KDM4C: variants seen among roughly 807,000 people sequenced by gnomAD.
KDM4C encodes the protein lysine-specific demethylase 4C.
In KDM4C, 81 loss-of-function variants were observed where a neutral mutation model predicts 129.3. That is an observed-to-expected ratio of 0.63 (90% CI 0.52 to 0.75). The LOEUF (loss-of-function observed/expected upper bound fraction) is 0.75, where lower values mean the gene tolerates loss of function less well. Ranked by LOEUF, KDM4C falls within the 30% of genes least tolerant of loss-of-function variation. KDM4C has a pLI of 0.00. For missense variants in KDM4C, 1,457 were observed against 1,304.0 expected (o/e 1.12, Z -1.81); for synonymous variants, 573 against 456.1 (o/e 1.26, Z -3.26).
At chr9:7,138,378 T>C (rs7854506) in intron 19 of KDM4C, among the ~76,000 whole-genome samples, 5,543 of 152,328 alleles carry the variant, frequency 0.036, 348 homozygotes, top group African/African-American at 0.13. Context: ...AATACCATTA[T>C]AGAATTTTAT....
intron 8 of KDM4C, among the ~76,000 whole-genome samples, chr9:6,932,697 C>T (rs1823971010): frequency 6.6e-6 from 1 of 152,206 alleles, no homozygotes. Context: ...TCTACTCCTT[C>T]ATTGGTTCTG....
intron 19 of KDM4C, among the ~76,000 whole-genome samples, chr9:7,157,315 T>A (rs10976074): frequency 0.062 from 9,498 of 152,254 alleles, 527 homozygotes; most frequent in African/African-American, 0.15. Context: ...ACAATTTGAC[T>A]TCCTCTTTTC....
chr9:6,722,827 T>A (rs1436496729), intron 1 of KDM4C, among the ~76,000 whole-genome samples: 39 of 151,960 alleles, frequency 2.6e-4, no homozygotes, highest in Non-Finnish European at 1.3e-4. Context: ...AAAGATTTTT[T>A]AAAAAATTAG....
chr9:6,983,851 A>AT (rs1280064292), intron 9 of KDM4C, among the ~76,000 whole-genome samples: 5 of 151,670 alleles, frequency 3.3e-5, no homozygotes, highest in Non-Finnish European at 7.4e-5. Flanking sequence ...TCATTTCAAC[A>AT]TTTTTTACTT....
At chr9:7,105,619 C>T in intron 18 of KDM4C, 1 of 368,048 alleles carries the variant, frequency 2.7e-6, no homozygotes, top group South Asian at 2.1e-5. Flanking sequence ...GCCTTTTTAG[C>T]TCATACTCTA....
At chr9:7,118,572 AAT>A (rs1291633512) in intron 18 of KDM4C, among the ~76,000 whole-genome samples, 2 of 152,212 alleles carry the variant, frequency 1.3e-5, no homozygotes, top group African/African-American at 4.8e-5. Flanking sequence ...GAAAAAATAC[AAT>A]AATAATATTT....
At chr9:6,731,026 AAC>A (rs1563914390) in intron 1 of KDM4C, among the ~76,000 whole-genome samples, 2 of 152,214 alleles carry the variant, frequency 1.3e-5, no homozygotes, top group East Asian at 3.8e-4. Flanking sequence ...AGTTCGCTTT[AAC>A]AATCACCCTC....
chr9:6,887,572 T>C (rs962330673), intron 6 of KDM4C, among the ~76,000 whole-genome samples: 4 of 152,204 alleles, frequency 2.6e-5, no homozygotes, highest in African/African-American at 7.2e-5. Context: ...TTCCTTTTTT[T>C]CCCCTGTATT....
rs186838809 is a variant in KDM4C at position 6,736,067 on chromosome 9, C to T, written c.49+15070C>T. On this transcript the variant is annotated intron_variant, in intron 1 of 17. Transcript: ENST00000536108. ...AGACTGGCAGCATTTTACCCCTGCC[C>T]TAGAGATTTGTGGAACTTTGAATTT... Among the ~76,000 whole-genome samples, 935 of 152,226 alleles carry T rather than the reference C, an allele frequency of 6.1e-3. 10 individuals carry two copies. The highest frequency in any genetic ancestry group is 6.6e-3 in the Non-Finnish European group (446 of 68,012).
At chr9:7,049,373 T>C (rs1020106366) in intron 17 of KDM4C, among the ~76,000 whole-genome samples, 173 bp downstream of exon 17, 2 of 152,144 alleles carry the variant, frequency 1.3e-5, no homozygotes, top group African/African-American at 4.8e-5. Context: ...CTTTTCCTGT[T>C]ATATTGTAAG....
intron 17 of KDM4C, among the ~76,000 whole-genome samples, chr9:7,090,336 GA>G (rs1270722566): frequency 6.6e-6 from 1 of 151,964 alleles, no homozygotes; most frequent in Non-Finnish European, 1.5e-5. Flanking sequence ...GGGTTTTGTA[GA>G]AAAAAATAAA....
At chr9:7,143,976 A>G (rs1263848628) in intron 19 of KDM4C, among the ~76,000 whole-genome samples, 1 of 152,242 alleles carries the variant, frequency 6.6e-6, no homozygotes, top group Non-Finnish European at 1.5e-5. Flanking sequence ...GCTGTAGCTT[A>G]TGTGAAAAGT....
chr9:6,955,619 C>T (rs1041783322), intron 8 of KDM4C, among the ~76,000 whole-genome samples: 5 of 152,174 alleles, frequency 3.3e-5, no homozygotes, highest in Non-Finnish European at 5.9e-5. Context: ...TGATTAATGG[C>T]ATGATGGCTT....
chr9:7,108,896 A>G (rs1028288776), intron 18 of KDM4C, among the ~76,000 whole-genome samples: 1 of 152,208 alleles, frequency 6.6e-6, no homozygotes, highest in Non-Finnish European at 1.5e-5. Context: ...TTGAGAAAAT[A>G]CTTAATGAAA....
At chr9:6,964,642 T>C (rs10815492) in intron 8 of KDM4C, among the ~76,000 whole-genome samples, 113,547 of 151,652 alleles carry the variant, frequency 0.75, 42,920 homozygotes, top group East Asian at 1. Context: ...ATTAGCCGGG[T>C]GTGGTGGTGG....
intron 8 of KDM4C, chr9:6,942,313 G>GTGTGTGTA: frequency 6.6e-6 from 1 of 152,402 alleles, no homozygotes; most frequent in East Asian, 1.9e-4. Context: ...GTGTGTGTGT[G>GTGTGTGTA]TGTGTGTGTT....
chr9:6,754,802 G>C (rs1461811253), upstream of KDM4C, among the ~76,000 whole-genome samples: 2 of 146,356 alleles, frequency 1.4e-5, no homozygotes, highest in Non-Finnish European at 1.5e-5. Flanking sequence ...CATGATCCTA[G>C]AAGTGGAGGC....
chr9:6,919,706 G>T (rs1326097381), intron 8 of KDM4C, among the ~76,000 whole-genome samples: 1 of 151,804 alleles, frequency 6.6e-6, no homozygotes, highest in Non-Finnish European at 1.5e-5. Context: ...CTCCGGAGTA[G>T]CTGGGACTAC....
chr9:7,120,379 G>C (rs552712154), intron 18 of KDM4C, among the ~76,000 whole-genome samples: 1 of 152,220 alleles, frequency 6.6e-6, no homozygotes, highest in Admixed American at 6.5e-5. Context: ...TTTCTTATAA[G>C]GGCCTGTATA....
Sources: gnomAD v4.1 joint callset for allele counts (sites outside exome capture counted in the v4.1 genomes callset) on GRCh38, gnomAD v4.1.1 for gene constraint, MANE v1.5 for transcripts, NCBI Gene and HGNC (gene_info 2026-07-23, HGNC 2026-07-21) for gene names.